Variants in IKZF1 observed in about 807,000 individuals in gnomAD.
IKZF1 encodes IKAROS family zinc finger 1, also known as DNA-binding protein Ikaros.
IKZF1 carries 10 observed loss-of-function variants against 51.7 expected under a neutral mutation model. That is an observed-to-expected ratio of 0.19 (90% CI 0.12 to 0.33). IKZF1 has a LOEUF of 0.33. Among genes scored for constraint, IKZF1 ranks in the 10% least tolerant of loss-of-function variants. IKZF1 has a pLI of 1.00. For missense variants in IKZF1, 484 were observed against 707.5 expected, an observed-to-expected ratio of 0.68 and a Z score of 3.58; for synonymous variants, 280 against 282.3, an observed-to-expected ratio of 0.99 and a Z score of 0.08.
At chr7:50,346,667 A>G (rs1800449157) in intron 3 of IKZF1, among the ~76,000 whole-genome samples, 1 of 152,226 alleles carries the variant, frequency 6.6e-6, no homozygotes, top group Non-Finnish European at 1.5e-5. Flanking sequence ...AGAATGAAAA[A>G]GAAATCCCAT....
intron 2 of IKZF1, among the ~76,000 whole-genome samples, chr7:50,322,779 T>C (rs2153372019): frequency 6.6e-6 from 1 of 152,284 alleles, no homozygotes. Flanking sequence ...GCATCCCACC[T>C]CTACCTCCCA....
chr7:50,396,650 T>C (rs970815622), intron 7 of IKZF1, among the ~76,000 whole-genome samples: 1 of 152,238 alleles, frequency 6.6e-6, no homozygotes, highest in African/African-American at 2.4e-5. Context: ...GTTGGTCTGA[T>C]ATAGCTTGAT....
intron 3 of IKZF1, among the ~76,000 whole-genome samples, chr7:50,334,821 A>T (rs1362513757): frequency 7.1e-6 from 1 of 141,432 alleles, no homozygotes; most frequent in East Asian, 2.2e-4. Flanking sequence ...TGTGGTGGAT[A>T]TGTGTGTTTG....
At chr7:50,347,686 T>G (rs1307677948) in intron 3 of IKZF1, among the ~76,000 whole-genome samples, 2 of 152,198 alleles carry the variant, frequency 1.3e-5, no homozygotes, top group Non-Finnish European at 2.9e-5. Flanking sequence ...AATATCACTT[T>G]GAAAGAAATC....
chr7:50,350,643 T>C (rs1405517562), intron 3 of IKZF1, among the ~76,000 whole-genome samples: 1 of 152,234 alleles, frequency 6.6e-6, no homozygotes, highest in Admixed American at 6.5e-5. Context: ...AATTCTGCCT[T>C]GTGCTTAACC....
rs1441542459 is a variant in IKZF1 at position 50,382,665 on chromosome 7, C to T, written c.547C>T (p.Arg183Cys). ...ATGCCACCTCTGCAACTACGCCTGCCGCCGGAGGGACGCCCTCACTGGCCA... is the reference window on the plus strand; with the variant it reads ...ATGCCACCTCTGCAACTACGCCTGCTGCCGGAGGGACGCCCTCACTGGCCA... ...FKCHLCNYAC[R>C]RRDALTGHLR... The change falls in exon 5 of 8, where the codon CGC becomes TGC. Residue 183 changes from arginine to cysteine, a missense_variant. Physicochemically the swap from Arg to Cys is radical, Grantham distance 180. Transcript: ENST00000331340. The T allele has an allele frequency of 6.2e-7, 1 of 1,612,002 alleles. No individual in the cohort carries two copies. The highest frequency in any genetic ancestry group is 1.1e-5 in the South Asian group (1 of 91,058).
At chr7:50,303,678 A>AGGGAC (rs1232843489), upstream of IKZF1, among the ~76,000 whole-genome samples, 3 of 151,996 alleles carry the variant, frequency 2.0e-5, no homozygotes, top group African/African-American at 7.2e-5. The surrounding 1 kb of genome is among the most constrained non-coding windows in gnomAD (Gnocchi z 4.7). Flanking sequence ...CCCCAGTTCC[A>AGGGAC]GGGACGTGAA....
chr7:50,318,374 C>A, intron 1 of IKZF1: 1 of 229,050 alleles, frequency 4.4e-6, no homozygotes, highest in Non-Finnish European at 8.7e-6. Context: ...CGGGCTGTCT[C>A]CTGGGCTCGT....
chr7:50,369,958 C>T (rs534827425), intron 3 of IKZF1, among the ~76,000 whole-genome samples: 5 of 152,254 alleles, frequency 3.3e-5, no homozygotes, highest in Admixed American at 2.0e-4. Context: ...AACTTTAAAA[C>T]GCTTAAAAGT....
In IKZF1 at chr7:50,339,215, TTGTGTGTGTG is replaced by T. The variant is rs1158908841; in HGVS notation, c.160+11492_160+11501del. Among the ~76,000 whole-genome samples, 91 of 126,480 alleles carry T rather than the reference TTGTGTGTGTG, an allele frequency of 7.2e-4. 1 individual carries two copies. Among genetic ancestry groups the T allele is most frequent in the Middle Eastern group, 4.0e-3 (1 of 250 alleles). The allele number at this position is 126,480 out of a possible 152,430, so 83.0% of individuals were successfully genotyped here. A position where few individuals can be genotyped will look rare whatever the true frequency, so the allele number is the denominator to read the frequency against. Reference sequence around the variant, plus strand: ...AAAGGAGGAATTCTTTTGGGTAGGGTTGTGTGTGTGTGTGTGTGTGTGTGTGTGTGTGTGT... The same window carrying T: ...AAAGGAGGAATTCTTTTGGGTAGGGTTGTGTGTGTGTGTGTGTGTGTGTGT... On this transcript the variant is annotated intron_variant, in intron 3 of 7. Transcript: ENST00000331340.
At chr7:50,383,507 C>T (rs1812453125) in intron 5 of IKZF1, among the ~76,000 whole-genome samples, 1 of 152,202 alleles carries the variant, frequency 6.6e-6, no homozygotes, top group Admixed American at 6.5e-5. Context: ...GGGCTCTTGG[C>T]CGGCCTGTCA....
At chr7:50,329,115 GTA>G (rs1467131654) in intron 3 of IKZF1, among the ~76,000 whole-genome samples, 1 of 149,136 alleles carries the variant, frequency 6.7e-6, no homozygotes, top group African/African-American at 2.5e-5. Context: ...AACATATTTT[GTA>G]TGTTTTTTAT....
intron 3 of IKZF1, among the ~76,000 whole-genome samples, chr7:50,344,114 C>T (rs1302497464): frequency 6.6e-6 from 1 of 152,232 alleles, no homozygotes; most frequent in Non-Finnish European, 1.5e-5. Context: ...GTTTAAGCTT[C>T]AGTTCTCTGC....
At chr7:50,321,558 C>A (rs931922605) in intron 2 of IKZF1, among the ~76,000 whole-genome samples, 1 of 152,178 alleles carries the variant, frequency 6.6e-6, no homozygotes, top group South Asian at 2.1e-4. Flanking sequence ...TTTTCCTTGT[C>A]GCTTTCACTT....
chr7:50,387,288 C>G lies in IKZF1; in HGVS notation c.590-57C>G, dbSNP rs949864099. On this transcript the variant is annotated intron_variant, in intron 5 of 7. Coordinates refer to ENST00000331340, the MANE Select transcript of IKZF1 (RefSeq NM_006060.6). ...TAATAATTGTATTGCATGCATTCCC[C>G]TTACACAGAAGGCTGGCATTTAATT... 16 of 1,582,870 alleles carry G rather than the reference C, an allele frequency of 1.0e-5. No homozygotes were observed. The African/African-American group carries it at 2.2e-4, about 22-fold the overall frequency.
chr7:50,310,847 A>G (rs1461461462), intron 1 of IKZF1, among the ~76,000 whole-genome samples: 1 of 152,184 alleles, frequency 6.6e-6, no homozygotes, highest in Non-Finnish European at 1.5e-5. Context: ...TGATGCTTCT[A>G]TTCTTCCCTT....
rs922355666 is a variant in IKZF1, at chr7:50,368,333, G to A, written c.161-8200G>A. ...GTAGCACTGATGGGATTGTTACTTC[G>A]CAGATGCTGCTGGACAGCTTTGAGA... On this transcript the variant is annotated intron_variant, in intron 3 of 7. Coordinates refer to ENST00000331340, the MANE Select transcript of IKZF1 (RefSeq NM_006060.6). 18 of 703,034 alleles carry A rather than the reference G, an allele frequency of 2.6e-5. No individual in the cohort carries two copies. Among genetic ancestry groups the A allele is most frequent in the Admixed American group, 4.0e-5 (2 of 49,990 alleles). The allele number at this position is 703,034 out of a possible 1,614,324, so 43.5% of individuals were successfully genotyped here. A position where few individuals can be genotyped will look rare whatever the true frequency, so the allele number is the denominator to read the frequency against.
In IKZF1 at chr7:50,339,290, A is replaced by G. The variant is rs935652996; in HGVS notation, c.160+11533A>G. ...GGAGGAGCTGGGAAAGGGTGAATCTATTGGGGAGGACTGTGGGGTACATAT... is the reference window on the plus strand; with the variant it reads ...GGAGGAGCTGGGAAAGGGTGAATCTGTTGGGGAGGACTGTGGGGTACATAT... On this transcript the variant is annotated intron_variant, in intron 3 of 7. Transcript: ENST00000331340. Among the ~76,000 whole-genome samples, 210 of 140,762 alleles carry G rather than the reference A, an allele frequency of 1.5e-3. 2 individuals carry two copies. In the Middle Eastern group the frequency reaches 0.017, roughly 11 times the overall value. 92.3% of individuals were successfully genotyped at this position (140,762 alleles called of 152,430 possible). A position where few individuals can be genotyped will look rare whatever the true frequency, so the allele number is the denominator to read the frequency against.
chr7:50,394,268 A>G (rs1331500678), intron 7 of IKZF1: 1 of 232,898 alleles, frequency 4.3e-6, no homozygotes, highest in Admixed American at 5.6e-5. Context: ...TTCCTGCCCT[A>G]AAATACCTAC....
Sources: gnomAD v4.1 joint callset for allele counts (sites outside exome capture counted in the v4.1 genomes callset) on GRCh38, gnomAD v4.1.1 for gene constraint, Gnocchi (gnomAD v3.1) non-coding constraint, MANE v1.5 for transcripts, NCBI Gene and HGNC (gene_info 2026-07-23, HGNC 2026-07-21) for gene names.